RBFOX1: variants seen among roughly 807,000 people sequenced by gnomAD.
The protein encoded by RBFOX1 is RNA binding protein fox-1 homolog 1.
RBFOX1 carries 8 observed loss-of-function variants against 57.7 expected under a neutral mutation model. The ratio of observed to expected loss-of-function variants is 0.14; its 90% confidence interval spans 0.08 to 0.25. The LOEUF (loss-of-function observed/expected upper bound fraction) is 0.25. Ranked by LOEUF, RBFOX1 falls within the 10% of genes least tolerant of loss-of-function variation. The probability of loss-of-function intolerance (pLI) is 1.00; values close to 1 mark genes in which losing one functional copy is unlikely to be tolerated. For missense variants in RBFOX1, 611 were observed against 548.5 expected, an observed-to-expected ratio of 1.11 and a Z score of -1.14; for synonymous variants, 326 against 222.4, an observed-to-expected ratio of 1.47 and a Z score of -4.15.
At chr16:7,589,882 G>A (rs1189898855) in intron 7 of RBFOX1, among the ~76,000 whole-genome samples, 1 of 149,568 alleles carries the variant, frequency 6.7e-6, no homozygotes, top group Non-Finnish European at 1.5e-5. Flanking sequence ...CTTCAGGCAG[G>A]CCACTCAATG....
intron 3 of RBFOX1, among the ~76,000 whole-genome samples, chr16:6,948,590 C>T (rs1212032675): frequency 6.6e-6 from 1 of 151,778 alleles, no homozygotes; most frequent in African/African-American, 2.4e-5. Context: ...CCATGTTGGC[C>T]AGACTGGTCT....
chr16:6,975,127 G>A lies in RBFOX1; in HGVS notation c.-15-76930G>A, dbSNP rs752168290. ...CAGGAGTCAGAGAGCAGAGGAAGGT[G>A]TTTCACTCTGTGCAGATCCTGGACT... is the stretch of plus-strand genomic sequence containing the variant. On this transcript the variant is annotated intron_variant, in intron 3 of 15. Coordinates refer to ENST00000550418, the MANE Select transcript of RBFOX1 (RefSeq NM_018723.4). 2.6e-5 allele frequency among the ~76,000 whole-genome samples: 4 copies of A among 152,268 alleles called. No individual in the cohort carries two copies. The South Asian group carries it at 8.3e-4, about 32-fold the overall frequency.
intron 2 of RBFOX1, among the ~76,000 whole-genome samples, chr16:6,522,234 A>T (rs2153804303): frequency 6.6e-6 from 1 of 151,710 alleles, no homozygotes; most frequent in East Asian, 1.9e-4. Context: ...TCTCCCAAGT[A>T]GATAAACCTC....
intron 3 of RBFOX1, among the ~76,000 whole-genome samples, chr16:6,771,894 T>G (rs1000969461): frequency 9.2e-5 from 14 of 152,102 alleles, no homozygotes; most frequent in Non-Finnish European, 1.8e-4. Flanking sequence ...CATTAGACCT[T>G]TGGTGTTCTT....
chr16:6,824,501 A>G (rs928105815), intron 3 of RBFOX1, among the ~76,000 whole-genome samples: 3 of 152,190 alleles, frequency 2.0e-5, no homozygotes, highest in Admixed American at 6.6e-5. Flanking sequence ...AGTAAATTCT[A>G]TATTTCATTT....
chr16:6,292,973 G>A (rs2077627533), intron 1 of RBFOX1, among the ~76,000 whole-genome samples: 1 of 152,120 alleles, frequency 6.6e-6, no homozygotes, highest in African/African-American at 2.4e-5. Flanking sequence ...CTAGGACATT[G>A]TTGTCCCCAG....
At chr16:6,372,148 C>A (rs1027750764) in intron 2 of RBFOX1, among the ~76,000 whole-genome samples, 5 of 150,330 alleles carry the variant, frequency 3.3e-5, no homozygotes, top group African/African-American at 1.2e-4. Context: ...TCTTTGGGAT[C>A]CTGGGTAGGA....
At chr16:7,325,793 T>C (rs962005397) in intron 4 of RBFOX1, among the ~76,000 whole-genome samples, 1 of 152,230 alleles carries the variant, frequency 6.6e-6, no homozygotes, top group Non-Finnish European at 1.5e-5. Flanking sequence ...CATCCTCTCC[T>C]TCACTGGGAA....
intron 1 of RBFOX1, among the ~76,000 whole-genome samples, chr16:6,076,037 G>A (rs988581203): frequency 3.9e-5 from 6 of 152,076 alleles, no homozygotes; most frequent in Non-Finnish European, 7.4e-5. Flanking sequence ...GGTGGCTCAC[G>A]CCTGTAATGT....
intron 12 of RBFOX1, among the ~76,000 whole-genome samples, chr16:7,660,377 G>A (rs1030980216): frequency 2.6e-5 from 4 of 152,184 alleles, no homozygotes; most frequent in African/African-American, 9.7e-5. Context: ...AGTGCGCAAT[G>A]GTAACTCCCT....
chr16:7,015,680 T>G (rs1472477569), intron 3 of RBFOX1, among the ~76,000 whole-genome samples: 2 of 152,220 alleles, frequency 1.3e-5, no homozygotes, highest in Non-Finnish European at 2.9e-5. Context: ...TTTGAAATTT[T>G]TTTATGACTA....
chr16:5,600,521 C>A (rs572758583), downstream of RBFOX1, among the ~76,000 whole-genome samples: 12 of 150,734 alleles, frequency 8.0e-5, no homozygotes, highest in African/African-American at 2.9e-4. Flanking sequence ...TCTGCTTGGC[C>A]CTGGGCCTTG....
intron 1 of RBFOX1, among the ~76,000 whole-genome samples, chr16:6,118,622 C>T (rs922708669): frequency 3.3e-5 from 5 of 151,512 alleles, no homozygotes; most frequent in Non-Finnish European, 5.9e-5. Flanking sequence ...TTGCTCTCCT[C>T]CCTCCCTCTC....
intron 4 of RBFOX1, among the ~76,000 whole-genome samples, chr16:5,895,598 G>A (rs2058144838): frequency 1.3e-5 from 2 of 152,216 alleles, no homozygotes; most frequent in South Asian, 2.1e-4. Flanking sequence ...TAGGAAGGAG[G>A]TATCAGAATC....
intron 2 of RBFOX1, among the ~76,000 whole-genome samples, chr16:6,373,652 A>G (rs2152899375): frequency 6.6e-6 from 1 of 152,136 alleles, no homozygotes; most frequent in East Asian, 1.9e-4. Context: ...TGGAATGGAG[A>G]TTGGGTAGAT....
intron 2 of RBFOX1, among the ~76,000 whole-genome samples, chr16:6,537,112 A>G (rs2096745858): frequency 6.6e-6 from 1 of 152,044 alleles, no homozygotes; most frequent in Admixed American, 6.6e-5. Context: ...GTTCCATACC[A>G]GTGTTTCTCA....
chr16:6,256,182 TATAC>T (rs569368478), intron 1 of RBFOX1, among the ~76,000 whole-genome samples: 4,611 of 44,984 alleles, frequency 0.1, 861 homozygotes, highest in African/African-American at 0.22. Context: ...TATATATATA[TATAC>T]GTATATATAT....
chr16:6,083,953 A>G (rs1567415327), intron 1 of RBFOX1, among the ~76,000 whole-genome samples: 1 of 152,176 alleles, frequency 6.6e-6, no homozygotes, highest in Non-Finnish European at 1.5e-5. Flanking sequence ...GCTTGGGGGA[A>G]TTCTCCTTTT....
chr16:5,960,357 G>A (rs1449103634), intron 4 of RBFOX1, among the ~76,000 whole-genome samples: 2 of 152,118 alleles, frequency 1.3e-5, no homozygotes, highest in Non-Finnish European at 2.9e-5. Context: ...ACACGGATAC[G>A]GAGTGGAAGA....
Sources: allele counts gnomAD v4.1 joint callset (sites outside exome capture counted in the v4.1 genomes callset), GRCh38; gene constraint gnomAD v4.1.1; transcripts MANE v1.5; gene names NCBI Gene and HGNC (gene_info 2026-07-23, HGNC 2026-07-21).